Variants in USP12 observed in about 807,000 individuals in gnomAD.
USP12 encodes the protein ubiquitin carboxyl-terminal hydrolase 12.
Under a neutral mutation model 45.5 loss-of-function variants are expected in USP12, and 19 were observed. The observed-to-expected ratio is 0.42, with a 90% confidence interval of 0.29 to 0.61. The LOEUF (loss-of-function observed/expected upper bound fraction) is 0.61, where lower values mean the gene tolerates loss of function less well. USP12 is among the 20% of genes least tolerant of loss of function. The pLI, the probability that USP12 is intolerant of heterozygous loss-of-function variation, is 0.22. For missense variants in USP12, 242 were observed against 447.7 expected (o/e 0.54, Z 4.15); for synonymous variants, 149 against 148.8 (o/e 1.00, Z -0.01).
chr13:27,130,539 CA>C (rs375759075), intron 1 of USP12, among the ~76,000 whole-genome samples: 1 of 115,610 alleles, frequency 8.6e-6, no homozygotes, highest in African/African-American at 3.0e-5. Context: ...CACACACACA[CA>C]AAAAAAATCA....
intron 1 of USP12, among the ~76,000 whole-genome samples, chr13:27,135,162 C>T (rs902222752): frequency 6.6e-6 from 1 of 151,992 alleles, no homozygotes; most frequent in Non-Finnish European, 1.5e-5. Context: ...TGGAGTGCGT[C>T]TGTAGTCCCA....
intron 1 of USP12, among the ~76,000 whole-genome samples, chr13:27,127,648 G>A (rs1331967833): frequency 6.6e-6 from 1 of 152,078 alleles, no homozygotes; most frequent in Admixed American, 6.5e-5. Flanking sequence ...ACCTGATAGG[G>A]AAGATTTCTG....
At chr13:27,121,125 A>G (rs577059173) in intron 1 of USP12, among the ~76,000 whole-genome samples, 4 of 152,286 alleles carry the variant, frequency 2.6e-5, no homozygotes, top group South Asian at 4.1e-4. Flanking sequence ...TTTCTCTTCA[A>G]TGCATAAGGG....
chr13:27,120,619 T>C lies in USP12; in HGVS notation c.49-4023A>G, dbSNP rs1367792964. Among the ~76,000 whole-genome samples, 3 of 35,424 alleles carry C rather than the reference T, an allele frequency of 8.5e-5. No individual in the cohort carries two copies. The East Asian group carries it at 2.6e-3, about 31-fold the overall frequency. 23.2% of individuals were successfully genotyped at this position (35,424 alleles called of 152,430 possible). On this transcript the variant is annotated intron_variant, in intron 1 of 8. Coordinates refer to ENST00000282344, the MANE Select transcript of USP12 (RefSeq NM_182488.4). ...CCTAGGCAACAAGAGCAAAACTCCA[T>C]CTAAAAAAAAAAAAAAAAGTTCTGC... is the stretch of plus-strand genomic sequence containing the variant.
intron 1 of USP12, among the ~76,000 whole-genome samples, chr13:27,155,040 CT>C (rs1383261081): frequency 1.1e-3 from 112 of 104,972 alleles, no homozygotes; most frequent in African/African-American, 2.7e-3. Flanking sequence ...ACCTCCACAA[CT>C]TTTTTTTTTT....
intron 1 of USP12, among the ~76,000 whole-genome samples, chr13:27,163,768 T>TAA (rs34384911): frequency 0.068 from 5,628 of 82,954 alleles, 478 homozygotes; most frequent in African/African-American, 0.23. Context: ...AGACCTGTCT[T>TAA]AAAAAAAAAA....
chr13:27,072,824 G>A (rs1204908428), intron 7 of USP12, among the ~76,000 whole-genome samples: 1 of 152,114 alleles, frequency 6.6e-6, no homozygotes, highest in Non-Finnish European at 1.5e-5. Context: ...CAGAGAAGGA[G>A]CAAGCTGAAC....
chr13:27,090,292 A>G (rs1319333495), intron 4 of USP12, 134 bp from the exon 5 acceptor site: 2 of 662,426 alleles, frequency 3.0e-6, no homozygotes, highest in Non-Finnish European at 4.9e-6. Context: ...AAAGAGAACT[A>G]CTTAATTTGG....
intron 1 of USP12, among the ~76,000 whole-genome samples, chr13:27,168,022 C>T (rs759473617): frequency 2.0e-5 from 3 of 152,228 alleles, no homozygotes; most frequent in Non-Finnish European, 2.9e-5. Flanking sequence ...GCCAGTTTCA[C>T]CTGTGCCTTT....
intron 1 of USP12, among the ~76,000 whole-genome samples, chr13:27,142,787 T>C (rs541920605): frequency 6.6e-6 from 1 of 152,150 alleles, no homozygotes; most frequent in East Asian, 1.9e-4. Context: ...TAAAAATCTA[T>C]CGTGACACAA....
intron 3 of USP12, among the ~76,000 whole-genome samples, chr13:27,105,398 A>G (rs541316591): frequency 1.3e-5 from 2 of 152,344 alleles, no homozygotes; most frequent in Admixed American, 6.5e-5. Flanking sequence ...AAACAAATGC[A>G]TAAGCATGCA....
At chr13:27,169,133 C>A (rs1353929062) in intron 1 of USP12, 1 of 152,202 alleles carries the variant, frequency 6.6e-6, no homozygotes, top group African/African-American at 2.4e-5. Flanking sequence ...CCTTCCCCTT[C>A]AAGGCCCTCA....
intron 1 of USP12, among the ~76,000 whole-genome samples, chr13:27,149,978 G>A (rs1009168548): frequency 2.6e-5 from 4 of 152,340 alleles, no homozygotes; most frequent in Middle Eastern, 6.8e-3. Context: ...TGTACAGCCC[G>A]GTTCCTAACA....
intron 4 of USP12, among the ~76,000 whole-genome samples, chr13:27,093,150 G>T (rs1049400044): frequency 1.3e-5 from 2 of 151,264 alleles, no homozygotes; most frequent in Admixed American, 1.3e-4. Context: ...GAGCCACTGC[G>T]CTCCAGCCTG....
chr13:27,115,449 C>T (rs1161417794), intron 2 of USP12, among the ~76,000 whole-genome samples: 1 of 152,120 alleles, frequency 6.6e-6, no homozygotes, highest in Non-Finnish European at 1.5e-5. Context: ...CCATGAGAAA[C>T]CCATCTAATA....
chr13:27,087,101 G>C (rs1193588267), intron 6 of USP12, among the ~76,000 whole-genome samples: 2 of 147,036 alleles, frequency 1.4e-5, no homozygotes, highest in Admixed American at 1.3e-4. Flanking sequence ...GGAAGGGGCT[G>C]TGTGTGTGTG....
chr13:27,171,667 ACAG>A lies in USP12; in HGVS notation c.-31_-29del, dbSNP rs767228476. On this transcript the variant is annotated 5_prime_UTR_variant, in exon 1 of 9. Coordinates refer to ENST00000282344, the MANE Select transcript of USP12 (RefSeq NM_182488.4). ...GGCCAGCGCCATCTTCCACCCAATC[ACAG>A]CGGCGGCGGCGGGCGGGGGAGGAGG... 1 of 1,183,628 alleles carries A rather than the reference ACAG, an allele frequency of 8.4e-7. No individual in the cohort carries two copies. Among genetic ancestry groups the A allele is most frequent in the Non-Finnish European group, 1.1e-6 (1 of 911,286 alleles). 73.3% of individuals were successfully genotyped at this position (1,183,628 alleles called of 1,614,324 possible). A position where few individuals can be genotyped will look rare whatever the true frequency, so the allele number is the denominator to read the frequency against.
intron 1 of USP12, among the ~76,000 whole-genome samples, chr13:27,161,127 A>G (rs1239898008): frequency 2.6e-5 from 4 of 152,214 alleles, no homozygotes; most frequent in African/African-American, 9.6e-5. Flanking sequence ...ACTACCCCCA[A>G]GGTACCACCT....
At chr13:27,123,091 CAAA>C (rs11318459) in intron 1 of USP12, among the ~76,000 whole-genome samples, 8 of 137,248 alleles carry the variant, frequency 5.8e-5, no homozygotes, top group African/African-American at 8.1e-5. Flanking sequence ...GAGTCCATCT[CAAA>C]AAAAAAAAAA....
Sources: gnomAD v4.1 joint callset for allele counts (sites outside exome capture counted in the v4.1 genomes callset) on GRCh38, gnomAD v4.1.1 for gene constraint, MANE v1.5 for transcripts, NCBI Gene and HGNC (gene_info 2026-07-23, HGNC 2026-07-21) for gene names.